CTSE: variants seen among roughly 807,000 people sequenced by gnomAD.
CTSE encodes erythrocyte membrane aspartic proteinase.
In CTSE, 43 loss-of-function variants were observed where a neutral mutation model predicts 42.8. The observed-to-expected ratio is 1.01, with a 90% CI of 0.79 to 1.30. CTSE has a LOEUF of 1.30. Ranked by LOEUF, CTSE falls within the 50% of genes most tolerant of loss-of-function variation. The probability of loss-of-function intolerance (pLI) is 0.00; values close to 1 mark genes in which losing one functional copy is unlikely to be tolerated. For missense variants in CTSE, 532 were observed against 493.5 expected (o/e 1.08, Z -0.74); for synonymous variants, 205 against 191.5 (o/e 1.07, Z -0.58).
intron 5 of CTSE, among the ~76,000 whole-genome samples, chr1:206,015,430 C>T (rs1461641031): frequency 6.6e-6 from 1 of 152,092 alleles, no homozygotes; most frequent in Non-Finnish European, 1.5e-5. Flanking sequence ...GCATTATGTC[C>T]TCAAGTTTCT....
At chr1:206,021,022 G>C in intron 4 of CTSE, 27 bp downstream of exon 4, 1 of 1,500,362 alleles carries the variant, frequency 6.7e-7, no homozygotes, top group Non-Finnish European at 9.3e-7. Flanking sequence ...CTGTCCAAGA[G>C]AGAAAAAATG....
chr1:206,012,713 T>C, intron 6 of CTSE, 64 bp from the exon 7 acceptor site: 5 of 1,571,158 alleles, frequency 3.2e-6, no homozygotes, highest in Non-Finnish European at 3.5e-6. Flanking sequence ...ACTCCCACTC[T>C]TTTTTGGCCT....
At chr1:206,022,761 A>C (rs1661476891) in intron 2 of CTSE, 140 bp downstream of exon 2, 1 of 798,038 alleles carries the variant, frequency 1.3e-6, no homozygotes, top group Non-Finnish European at 1.9e-6. Flanking sequence ...GACCCAGGGA[A>C]TCAGTCCCCA....
At chr1:206,020,623 C>G (rs1661390344) in intron 4 of CTSE, among the ~76,000 whole-genome samples, 1 of 152,074 alleles carries the variant, frequency 6.6e-6, no homozygotes, top group East Asian at 1.9e-4. Context: ...GGCCTTTGGA[C>G]AACTGGGCTT....
In CTSE at chr1:206,010,015, A is replaced by ATG. The variant is rs373750948; in HGVS notation, c.*166_*167dup. ...ATGTGTGAAGTGTGTGTGTGTGTAT[A>ATG]TGTGTGTGTGTGTGTGTATTCTCAT... On this transcript the variant is annotated 3_prime_UTR_variant, in exon 9 of 9. Coordinates refer to ENST00000358184, the MANE Select transcript of CTSE (RefSeq NM_001910.4). 1,147 of 633,504 alleles carry ATG rather than the reference A, an allele frequency of 1.8e-3. 6 individuals are homozygous for ATG. The highest frequency in any genetic ancestry group is 8.1e-3 in the South Asian group (422 of 52,140). 39.2% of individuals were successfully genotyped at this position (633,504 alleles called of 1,614,324 possible).
chr1:206,010,137 T>C lies in CTSE; in HGVS notation c.*46A>G, dbSNP rs782635399. 3.7e-6 allele frequency: 6 copies of C among 1,610,484 alleles called. No individual in the cohort carries two copies. The highest frequency in any genetic ancestry group is 5.1e-6 in the Non-Finnish European group (6 of 1,177,050). ...GTGTAAAGAATGCCCCAGCCTAACATATTCAAGGTCTGTCAGACAGGCAGG... is the reference window on the plus strand; with the variant it reads ...GTGTAAAGAATGCCCCAGCCTAACACATTCAAGGTCTGTCAGACAGGCAGG... On this transcript the variant is annotated 3_prime_UTR_variant, in exon 9 of 9. Transcript: ENST00000358184.
At chr1:206,013,627 T>C (rs1553277377) in intron 6 of CTSE, 145 bp downstream of exon 6, 2 of 1,009,566 alleles carry the variant, frequency 2.0e-6, no homozygotes, top group Non-Finnish European at 2.9e-6. Flanking sequence ...TCCTGCACAC[T>C]TGCTCAGCAC....
chr1:206,010,202 A>T lies in CTSE; in HGVS notation c.1172T>A (p.Leu391Gln), dbSNP rs781790103. 1 of 1,613,832 alleles carries T rather than the reference A, an allele frequency of 6.2e-7. No individual in the cohort carries two copies. Among genetic ancestry groups the T allele is most frequent in the Admixed American group, 1.7e-5 (1 of 60,010 alleles). The stretch of plus-strand genomic sequence containing the variant: ...CCCTCCTTAGGGGACTGCTGGGGCC[A>T]GTCCCACACGGTTATTCCCACGGTC... ...VFDRGNNRVG[L>Q]APAVP The change falls in exon 9 of 9, where the codon CTG becomes CAG. Residue 391 changes from leucine (L) to glutamine (Q), a missense_variant. Leu to Gln is a moderately radical substitution (Grantham distance 113). Coordinates refer to ENST00000358184, the MANE Select transcript of CTSE (RefSeq NM_001910.4).
At chr1:206,020,993 G>T in intron 4 of CTSE, 56 bp downstream of exon 4, 1 of 1,284,604 alleles carries the variant, frequency 7.8e-7, no homozygotes, top group Non-Finnish European at 1.1e-6. Flanking sequence ...TAAGACCTCT[G>T]AATAAGTCTC....
At chr1:206,014,674 T>C (rs1176945609) in intron 5 of CTSE, among the ~76,000 whole-genome samples, 1 of 152,056 alleles carries the variant, frequency 6.6e-6, no homozygotes, top group African/African-American at 2.4e-5. Flanking sequence ...TGGAAGAAAC[T>C]GAGCCTCAGT....
At chr1:206,021,380 C>A (rs1571821187) in intron 3 of CTSE, 2 of 549,132 alleles carry the variant, frequency 3.6e-6, no homozygotes, top group East Asian at 6.2e-5. Context: ...AATAGCTATC[C>A]CTGAGCAAAC....
intron 4 of CTSE, among the ~76,000 whole-genome samples, chr1:206,019,081 AT>A (rs1553278018): frequency 6.6e-6 from 1 of 152,044 alleles, no homozygotes; most frequent in Non-Finnish European, 1.5e-5. Context: ...TCATCTACAA[AT>A]TTTCACATGT....
At chr1:206,016,339 G>C (rs145592401) in intron 4 of CTSE, among the ~76,000 whole-genome samples, 1 of 151,876 alleles carries the variant, frequency 6.6e-6, no homozygotes, top group Non-Finnish European at 1.5e-5. Flanking sequence ...CAATCATTGC[G>C]CCCCTCCTCA....
rs782613721 is a variant in CTSE at position 206,013,632 on chromosome 1, C to T, written c.785+140G>A. On this transcript the variant is annotated intron_variant, in intron 6 of 8. Transcript: ENST00000358184. ...AGAGGTCCCTTCCTGCACACTTGCT[C>T]AGCACCTCCATACCTCCAACCACAG... 152 of 1,066,822 alleles carry T rather than the reference C, an allele frequency of 1.4e-4. 1 individual carries two copies. The highest frequency in any genetic ancestry group is 1.9e-4 in the Non-Finnish European group (143 of 735,070). The allele number at this position is 1,066,822 out of a possible 1,614,324, so 66.1% of individuals were successfully genotyped here. A position where few individuals can be genotyped will look rare whatever the true frequency, so the allele number is the denominator to read the frequency against.
chr1:206,022,233 G>A lies in CTSE; in HGVS notation c.260C>T (p.Pro87Leu), dbSNP rs1661459983. 1 of 1,612,894 alleles carries A rather than the reference G, an allele frequency of 6.2e-7. No individual in the cohort carries two copies. Among genetic ancestry groups the A allele is most frequent in the South Asian group, 1.1e-5 (1 of 91,022 alleles). Residue 87 changes from proline (P) to leucine (L), a missense_variant, in exon 3 of 9, where the codon CCA becomes CTA. By Grantham distance (98) the Pro-to-Leu change is moderately conservative. Coordinates refer to ENST00000358184, the MANE Select transcript of CTSE (RefSeq NM_001910.4). ...EYFGTISIGS[P>L]PQNFTVIFDT... ...GAAGATGACAGTGAAGTTCTGTGGT[G>A]GGGAGCCAATGGAGATAGTGCCGAA...
At chr1:206,023,184 C>G in intron 1 of CTSE, 127 bp from the exon 2 acceptor site, 1 of 958,050 alleles carries the variant, frequency 1.0e-6, no homozygotes, top group Non-Finnish European at 1.6e-6. Context: ...CAAGACAGCA[C>G]GCAGGATACA....
intron 2 of CTSE, 96 bp downstream of exon 2, chr1:206,022,805 G>T: frequency 8.3e-7 from 1 of 1,198,050 alleles, no homozygotes; most frequent in Non-Finnish European, 1.2e-6. Context: ...ATCCACAATG[G>T]CCTTCGGTGC....
intron 8 of CTSE, among the ~76,000 whole-genome samples, chr1:206,011,028 G>A (rs1336569810): frequency 6.6e-6 from 1 of 152,010 alleles, no homozygotes; most frequent in Non-Finnish European, 1.5e-5. Flanking sequence ...TTGAGAGGAA[G>A]GACGTGAAAA....
At chr1:206,021,018 AAG>A in intron 4 of CTSE, 29 bp downstream of exon 4, 1 of 1,488,904 alleles carries the variant, frequency 6.7e-7, no homozygotes, top group South Asian at 1.1e-5. Context: ...GTTTCTGTCC[AAG>A]AGAGAAAAAA....
Sources: gnomAD v4.1 joint callset for allele counts (sites outside exome capture counted in the v4.1 genomes callset) on GRCh38, gnomAD v4.1.1 for gene constraint, MANE v1.5 for transcripts, NCBI Gene and HGNC (gene_info 2026-07-23, HGNC 2026-07-21) for gene names.